The following LRRC4C variants were observed in gnomAD, a reference collection of about 807,000 sequenced individuals.
LRRC4C encodes the protein leucine-rich repeat-containing protein 4C.
A neutral mutation model predicts 33.6 loss-of-function variants in LRRC4C; 5 were observed. That is an observed-to-expected ratio of 0.15 (90% CI 0.08 to 0.31). The LOEUF is 0.31. Ranked by LOEUF, LRRC4C falls within the 10% of genes least tolerant of loss-of-function variation. The probability of loss-of-function intolerance (pLI) is 1.00; values close to 1 mark genes in which losing one functional copy is unlikely to be tolerated. For missense variants in LRRC4C, 560 were observed against 796.7 expected, an observed-to-expected ratio of 0.70 and a Z score of 3.58; for synonymous variants, 329 against 302.0, an observed-to-expected ratio of 1.09 and a Z score of -0.93.
At chr11:41,225,958 A>T (rs1439212154) in intron 1 of LRRC4C, among the ~76,000 whole-genome samples, 3 of 152,156 alleles carry the variant, frequency 2.0e-5, no homozygotes, top group Non-Finnish European at 4.4e-5. Context: ...TTTAAAATGC[A>T]ATTCTCTTTG....
chr11:40,957,598 C>A (rs1318857677), intron 1 of LRRC4C, among the ~76,000 whole-genome samples: 1 of 151,688 alleles, frequency 6.6e-6, no homozygotes, highest in Non-Finnish European at 1.5e-5. Context: ...TCCTTCCACA[C>A]TAAACGAACT....
chr11:40,195,687 T>G (rs1470049497), intron 5 of LRRC4C, among the ~76,000 whole-genome samples: 1 of 151,728 alleles, frequency 6.6e-6, no homozygotes, highest in Non-Finnish European at 1.5e-5. Context: ...AATTCTAATA[T>G]GTAAAGATTT....
chr11:41,313,385 G>T (rs1192668939), intron 1 of LRRC4C, among the ~76,000 whole-genome samples: 2 of 152,162 alleles, frequency 1.3e-5, no homozygotes, highest in Non-Finnish European at 2.9e-5. Flanking sequence ...ACTTTGTCTA[G>T]AATTGGATTA....
intron 3 of LRRC4C, among the ~76,000 whole-genome samples, chr11:40,591,959 T>C (rs1959078092): frequency 6.6e-6 from 1 of 152,200 alleles, no homozygotes; most frequent in Non-Finnish European, 1.5e-5. Context: ...CCTATAAAAG[T>C]TCCTTTGTGT....
chr11:40,498,899 G>A (rs1302261784), intron 3 of LRRC4C, among the ~76,000 whole-genome samples: 7 of 152,152 alleles, frequency 4.6e-5, no homozygotes, highest in Admixed American at 3.9e-4. Flanking sequence ...TTGTGAATAA[G>A]GCCAGTCATC....
At chr11:41,358,865 C>T (rs1952252331) in intron 1 of LRRC4C, among the ~76,000 whole-genome samples, 1 of 152,068 alleles carries the variant, frequency 6.6e-6, no homozygotes, top group South Asian at 2.1e-4. Flanking sequence ...CCATCATGCT[C>T]CTTGCTATTT....
rs1232931377 is a variant in LRRC4C, at chr11:40,667,286, A to C, written c.-406-19008T>G. 2.0e-5 allele frequency among the ~76,000 whole-genome samples: 3 copies of C among 152,338 alleles called. No homozygotes were observed. The East Asian group carries it at 5.8e-4, about 29-fold the overall frequency. ...ATGCAGAAACACATACTCTACATTT[A>C]ACTCTGAATGTTATATATGAATGAT... On this transcript the variant is annotated intron_variant, in intron 2 of 6. Coordinates refer to ENST00000528697, the MANE Select transcript of LRRC4C (RefSeq NM_001258419.2).
intron 3 of LRRC4C, among the ~76,000 whole-genome samples, chr11:40,579,765 A>C (rs905895292): frequency 6.6e-6 from 1 of 152,184 alleles, no homozygotes; most frequent in Admixed American, 6.5e-5. Context: ...AACAAAAAAC[A>C]GTGTATAGAA....
chr11:40,885,564 T>C (rs1213718673), intron 2 of LRRC4C, among the ~76,000 whole-genome samples: 2 of 152,048 alleles, frequency 1.3e-5, no homozygotes. Flanking sequence ...AAACTCCAAA[T>C]GGAATGGTAA....
intron 2 of LRRC4C, among the ~76,000 whole-genome samples, chr11:40,711,843 G>C (rs189194722): frequency 2.0e-5 from 3 of 152,226 alleles, no homozygotes; most frequent in Non-Finnish European, 2.9e-5. Context: ...AAACATAAAT[G>C]CATGTCCTAA....
intron 1 of LRRC4C, among the ~76,000 whole-genome samples, chr11:41,329,656 T>C (rs901291100): frequency 1.3e-5 from 2 of 152,244 alleles, no homozygotes; most frequent in African/African-American, 2.4e-5. Context: ...AATTGGCATT[T>C]ATAATAAAGC....
intron 1 of LRRC4C, among the ~76,000 whole-genome samples, chr11:41,325,575 T>TGTGTGTG (rs369877294): frequency 4.4e-4 from 52 of 117,542 alleles, no homozygotes; most frequent in African/African-American, 1.4e-3. Context: ...AGTTTTTTTT[T>TGTGTGTG]TTTGTGTGTG....
intron 3 of LRRC4C, among the ~76,000 whole-genome samples, chr11:40,564,892 T>C (rs1350095457): frequency 6.6e-6 from 1 of 152,130 alleles, no homozygotes; most frequent in African/African-American, 2.4e-5. Context: ...TGGAGAACCA[T>C]GTAAGAAATC....
At chr11:40,729,142 A>C (rs553612905) in intron 2 of LRRC4C, among the ~76,000 whole-genome samples, 70 of 152,320 alleles carry the variant, frequency 4.6e-4, no homozygotes, top group Middle Eastern at 6.8e-3. Flanking sequence ...TAAAAATTGA[A>C]ATAAAAATAT....
intron 2 of LRRC4C, among the ~76,000 whole-genome samples, chr11:40,824,262 A>G (rs939468429): frequency 2.6e-5 from 4 of 151,996 alleles, no homozygotes; most frequent in African/African-American, 9.7e-5. Context: ...ATAGAATTAT[A>G]CATTTCTAAT....
intron 1 of LRRC4C, among the ~76,000 whole-genome samples, chr11:41,184,379 T>A (rs970675711): frequency 6.6e-6 from 1 of 152,150 alleles, no homozygotes; most frequent in African/African-American, 2.4e-5. Flanking sequence ...AATGCTTTGC[T>A]GCTTAGAAAT....
Position 40,114,829 on chromosome 11 carries a change from A to G in LRRC4C, c.1464T>C (p.Asn488=), listed in dbSNP as rs1359742072. The change falls in exon 7 of 7, where the codon AAT becomes AAC. Residue 488 remains asparagine, a synonymous_variant. Transcript: ENST00000528697. ...TCTGTGGTGTGAGAGAGGTGGTCACATTGGTGGTCTCCCAGTCGACCACTG... is the reference window on the plus strand; with the variant it reads ...TCTGTGGTGTGAGAGAGGTGGTCACGTTGGTGGTCTCCCAGTCGACCACTG... The part of the protein sequence containing the change: ...PTPVVDWETT[N]VTTSLTPQST... 2 of 1,614,036 alleles carry G rather than the reference A, an allele frequency of 1.2e-6. No individual in the cohort carries two copies. The highest frequency in any genetic ancestry group is 1.7e-5 in the Admixed American group (1 of 59,996).
chr11:41,300,982 ATTTAAACAATTTGAAGT>A (rs1329241289), intron 1 of LRRC4C, among the ~76,000 whole-genome samples: 1 of 152,226 alleles, frequency 6.6e-6, no homozygotes, highest in African/African-American at 2.4e-5. Flanking sequence ...AACAACTTAA[ATTTAAACAATTTGAAGT>A]TTTAAAATTT....
chr11:40,785,244 A>T (rs76926286), intron 2 of LRRC4C, among the ~76,000 whole-genome samples: 1,979 of 152,300 alleles, frequency 0.013, 39 homozygotes, highest in African/African-American at 0.045. Flanking sequence ...GAGATTTATG[A>T]GTAATAACAA....
Sources: allele counts gnomAD v4.1 joint callset (sites outside exome capture counted in the v4.1 genomes callset), GRCh38; gene constraint gnomAD v4.1.1; transcripts MANE v1.5; gene names NCBI Gene and HGNC (gene_info 2026-07-23, HGNC 2026-07-21).